The following SRD5A2 variants were observed in gnomAD, a reference collection of about 807,000 sequenced individuals.
The protein encoded by SRD5A2 is 3-oxo-5-alpha-steroid 4-dehydrogenase 2.
In SRD5A2, 30 loss-of-function variants were observed where a neutral mutation model predicts 27.4. That is an observed-to-expected ratio of 1.10 (90% CI 0.82 to 1.49). SRD5A2 has a LOEUF of 1.49. Ranked by LOEUF, SRD5A2 falls within the 40% of genes most tolerant of loss-of-function variation. The pLI is 0.00. For synonymous variants in SRD5A2, 141 were observed against 133.6 expected (o/e 1.06, Z -0.38); for missense variants, 348 against 323.4 (o/e 1.08, Z -0.58).
At chr2:31,580,188 C>G (rs1370962218) in intron 1 of SRD5A2, among the ~76,000 whole-genome samples, 1 of 152,206 alleles carries the variant, frequency 6.6e-6, no homozygotes, top group Non-Finnish European at 1.5e-5. Flanking sequence ...AATCTGTCCC[C>G]ACCCTGCAAG....
At chr2:31,608,843 C>A in the SRD5A2 span, among the ~76,000 whole-genome samples, 2 of 151,990 alleles carry the variant, frequency 1.3e-5, no homozygotes, top group Non-Finnish European at 2.9e-5. Flanking sequence ...TCATACTGCC[C>A]GCTATGGACT....
intron 1 of SRD5A2, among the ~76,000 whole-genome samples, chr2:31,547,866 G>T (rs1355401423): frequency 9.9e-6 from 1 of 101,320 alleles, no homozygotes; most frequent in Non-Finnish European, 1.9e-5. Context: ...TCTCTACATA[G>T]ATAGATAGAT....
chr2:31,586,925 C>A, the SRD5A2 span, among the ~76,000 whole-genome samples: 2 of 152,124 alleles, frequency 1.3e-5, no homozygotes, highest in Admixed American at 6.5e-5. Context: ...GACATAGGAC[C>A]ATTCAGACAG....
intron 1 of SRD5A2, among the ~76,000 whole-genome samples, chr2:31,538,225 A>C (rs1407997151): frequency 6.6e-6 from 1 of 152,118 alleles, no homozygotes; most frequent in Non-Finnish European, 1.5e-5. Context: ...CCAGACTTGC[A>C]CTTCCCTCGG....
intron 1 of SRD5A2, among the ~76,000 whole-genome samples, chr2:31,558,828 CTG>C (rs1666554926): frequency 6.6e-6 from 1 of 152,174 alleles, no homozygotes; most frequent in Admixed American, 6.5e-5. Flanking sequence ...GTGTAGGAGA[CTG>C]TACCGTCTAG....
intron 1 of SRD5A2, among the ~76,000 whole-genome samples, chr2:31,548,330 TTG>T (rs1666306131): frequency 6.6e-6 from 1 of 152,086 alleles, no homozygotes; most frequent in Non-Finnish European, 1.5e-5. Context: ...GAGAAAGTAT[TTG>T]CAAAGCATAT....
intron 1 of SRD5A2, among the ~76,000 whole-genome samples, chr2:31,556,610 C>T (rs1666500259): frequency 6.6e-6 from 1 of 152,106 alleles, no homozygotes; most frequent in Admixed American, 6.6e-5. Flanking sequence ...GACCGCAAGC[C>T]AAGGAATGCC....
chr2:31,654,713 T>C, the SRD5A2 span, among the ~76,000 whole-genome samples: 1 of 152,192 alleles, frequency 6.6e-6, no homozygotes. Context: ...GCACCACCTG[T>C]TCTGAAGTAA....
intron 2 of SRD5A2, 131 bp from the exon 3 acceptor site, chr2:31,531,603 G>T: frequency 2.0e-6 from 1 of 500,992 alleles, no homozygotes. Flanking sequence ...CTAAGACGTG[G>T]CAGAAAGTGG....
chr2:31,580,693 G>A lies in SRD5A2; in HGVS notation c.208C>T (p.Arg70Trp), dbSNP rs771374873. 12 of 1,601,106 alleles carry A rather than the reference G, an allele frequency of 7.5e-6. No individual in the cohort carries two copies. Among genetic ancestry groups the A allele is most frequent in the African/African-American group, 5.3e-5 (4 of 74,870 alleles). ...GGCCCGAAGAGGGAGAGGGGCTGCC[G>A]GGCGAGGATCCCCGCGGGCACCGCG... ...SFAVPAGILA[R>W]QPLSLFGPPG... The change falls in exon 1 of 5, where the codon CGG (arginine) becomes TGG (tryptophan). Residue 70 changes from arginine to tryptophan, a missense_variant. Coordinates refer to ENST00000622030, the MANE Select transcript of SRD5A2 (RefSeq NM_000348.4).
intron 1 of SRD5A2, among the ~76,000 whole-genome samples, chr2:31,574,701 A>G (rs1666921540): frequency 6.6e-6 from 1 of 152,248 alleles, no homozygotes. Flanking sequence ...CCCCACTTAC[A>G]TGTAGCAGAA....
chr2:31,590,214 A>C, the SRD5A2 span, among the ~76,000 whole-genome samples: 8 of 151,250 alleles, frequency 5.3e-5, no homozygotes, highest in Admixed American at 4.6e-4. Context: ...AAAACAAAAG[A>C]CATAAACTCT....
intron 1 of SRD5A2, among the ~76,000 whole-genome samples, chr2:31,534,552 T>C (rs1665985911): frequency 6.6e-6 from 1 of 152,196 alleles, no homozygotes; most frequent in Non-Finnish European, 1.5e-5. Flanking sequence ...TGATATTTGA[T>C]TCTGTAAATT....
At chr2:31,629,100 A>G in the SRD5A2 span, among the ~76,000 whole-genome samples, 1,871 of 152,252 alleles carry the variant, frequency 0.012, 23 homozygotes, top group South Asian at 0.045. Flanking sequence ...ACTGCCCCCA[A>G]TGCCGGTCTA....
chr2:31,590,147 G>A, the SRD5A2 span, among the ~76,000 whole-genome samples: 5 of 145,884 alleles, frequency 3.4e-5, no homozygotes, highest in African/African-American at 7.7e-5. Flanking sequence ...CCAATCCTGC[G>A]CCCCCACCCC....
chr2:31,575,219 A>T (rs191228496), intron 1 of SRD5A2, among the ~76,000 whole-genome samples: 2 of 152,152 alleles, frequency 1.3e-5, no homozygotes, highest in Non-Finnish European at 2.9e-5. Flanking sequence ...TAGTTTCCTT[A>T]GCAAGGTCTG....
chr2:31,611,217 T>C, the SRD5A2 span, among the ~76,000 whole-genome samples: 1 of 152,076 alleles, frequency 6.6e-6, no homozygotes, highest in Non-Finnish European at 1.5e-5. Context: ...CCAGATGACA[T>C]CAAAGGGAAC....
chr2:31,595,269 G>T, the SRD5A2 span, among the ~76,000 whole-genome samples: 1 of 152,062 alleles, frequency 6.6e-6, no homozygotes, highest in African/African-American at 2.4e-5. Context: ...ACAAAAAGTT[G>T]ATTCTTTGAA....
intron 1 of SRD5A2, among the ~76,000 whole-genome samples, chr2:31,569,906 T>C (rs1038311963): frequency 1.3e-5 from 2 of 152,046 alleles, no homozygotes; most frequent in African/African-American, 4.8e-5. Flanking sequence ...AATTAAACAT[T>C]TCTGTTTTTC....
Sources: allele counts gnomAD v4.1 joint callset (sites outside exome capture counted in the v4.1 genomes callset), GRCh38; gene constraint gnomAD v4.1.1; transcripts MANE v1.5; gene names NCBI Gene and HGNC (gene_info 2026-07-23, HGNC 2026-07-21).